ADGRL2: variants seen among roughly 807,000 people sequenced by gnomAD.
ADGRL2 encodes calcium-independent alpha-latrotoxin receptor 2.
In ADGRL2, 44 loss-of-function variants were observed where a neutral mutation model predicts 157.4. The observed-to-expected ratio is 0.28, with a 90% CI of 0.22 to 0.36. The LOEUF is 0.36. Ranked by LOEUF, ADGRL2 falls within the 10% of genes least tolerant of loss-of-function variation. The probability of loss-of-function intolerance (pLI) is 1.00; values close to 1 mark genes in which losing one functional copy is unlikely to be tolerated. For missense variants in ADGRL2, 1,510 were observed against 1,768.9 expected (o/e 0.85, Z 2.63); for synonymous variants, 585 against 624.7 (o/e 0.94, Z 0.95).
At chr1:81,324,899 T>A (rs1202018946) in intron 1 of ADGRL2, among the ~76,000 whole-genome samples, 4 of 152,060 alleles carry the variant, frequency 2.6e-5, no homozygotes, top group Non-Finnish European at 5.9e-5. Context: ...GTACTTTTAG[T>A]AGAGACGGGG....
intron 1 of ADGRL2, among the ~76,000 whole-genome samples, chr1:81,737,018 T>C (rs928484043): frequency 1.3e-5 from 2 of 151,704 alleles, no homozygotes; most frequent in African/African-American, 4.8e-5. Context: ...GTATTTTTAG[T>C]AGAGGTGGGG....
chr1:81,556,192 G>A (rs1285122598), intron 2 of ADGRL2, among the ~76,000 whole-genome samples: 1 of 151,950 alleles, frequency 6.6e-6, no homozygotes, highest in Non-Finnish European at 1.5e-5. Context: ...TTCTTCCTGA[G>A]GTAGTTTGAA....
chr1:81,415,494 TAA>T, intron 1 of ADGRL2, among the ~76,000 whole-genome samples: 1 of 152,216 alleles, frequency 6.6e-6, no homozygotes, highest in South Asian at 2.1e-4. Context: ...GAGGGGTCCC[TAA>T]AAAAAGATAC....
intron 1 of ADGRL2, among the ~76,000 whole-genome samples, chr1:81,708,891 T>C (rs1405633109): frequency 6.6e-6 from 1 of 152,096 alleles, no homozygotes; most frequent in African/African-American, 2.4e-5. Context: ...TTACCTTGCC[T>C]TGAAACACAT....
chr1:81,557,482 G>GAAGAAAGAAGAAAGA, intron 2 of ADGRL2: 2 of 120,064 alleles, frequency 1.7e-5, no homozygotes, highest in African/African-American at 6.2e-5. Context: ...AAGAAAGAAA[G>GAAGAAAGAAGAAAGA]AAGAAAGAAA....
intron 1 of ADGRL2, among the ~76,000 whole-genome samples, chr1:81,419,226 C>T (rs1041133166): frequency 1.2e-4 from 18 of 152,074 alleles, no homozygotes; most frequent in African/African-American, 3.9e-4. Flanking sequence ...TATTTAGAGA[C>T]GGAGTCTTGC....
chr1:81,519,328 G>A (rs1051675322), intron 2 of ADGRL2, among the ~76,000 whole-genome samples: 2 of 152,118 alleles, frequency 1.3e-5, no homozygotes, highest in Non-Finnish European at 2.9e-5. Context: ...GGTGTAAGAA[G>A]TATTTGACTT....
At chr1:81,828,645 T>C (rs2091696393) in intron 1 of ADGRL2, among the ~76,000 whole-genome samples, 2 of 152,180 alleles carry the variant, frequency 1.3e-5, no homozygotes, top group Admixed American at 1.3e-4. Flanking sequence ...TTATTACTAC[T>C]TTAATGTTAT....
intron 1 of ADGRL2, among the ~76,000 whole-genome samples, chr1:81,393,240 A>C (rs2076591229): frequency 6.6e-6 from 1 of 152,106 alleles, no homozygotes. Flanking sequence ...AATTCTCAGC[A>C]AGCGATATTT....
chr1:81,445,497 A>T (rs1369595515), intron 2 of ADGRL2, among the ~76,000 whole-genome samples: 2 of 152,202 alleles, frequency 1.3e-5, no homozygotes, highest in Admixed American at 1.3e-4. Context: ...CCTTTGTAGA[A>T]GTAGGATGAG....
intron 1 of ADGRL2, among the ~76,000 whole-genome samples, chr1:81,746,960 A>G (rs1222656642): frequency 2.0e-5 from 3 of 146,818 alleles, no homozygotes; most frequent in South Asian, 4.3e-4. Flanking sequence ...GTATATACGT[A>G]TATACACACG....
chr1:81,932,415 T>TATTAAC (rs1286695685), intron 3 of ADGRL2, among the ~76,000 whole-genome samples: 2 of 152,244 alleles, frequency 1.3e-5, no homozygotes, highest in Non-Finnish European at 2.9e-5. Context: ...CATATTAACA[T>TATTAAC]TGTAAACTGT....
intron 1 of ADGRL2, among the ~76,000 whole-genome samples, chr1:81,407,395 G>C (rs748999043): frequency 9.9e-5 from 15 of 152,214 alleles, no homozygotes; most frequent in Admixed American, 2.0e-4. Context: ...GGAACTCTGA[G>C]ACAGAGACCC....
At chr1:81,381,751 C>T (rs2076348963) in intron 1 of ADGRL2, among the ~76,000 whole-genome samples, 1 of 152,098 alleles carries the variant, frequency 6.6e-6, no homozygotes, top group African/African-American at 2.4e-5. Context: ...ATCATGTTTT[C>T]TCTCCTTAAA....
intron 2 of ADGRL2, among the ~76,000 whole-genome samples, chr1:81,854,852 A>G (rs992569620): frequency 6.6e-6 from 1 of 152,166 alleles, no homozygotes; most frequent in South Asian, 2.1e-4. Context: ...AAATAGGTCA[A>G]TGTGTGCCGA....
chr1:81,557,481 A>AGAAAGAAAGAAG (rs1557458912), intron 2 of ADGRL2: 14 of 53,154 alleles, frequency 2.6e-4, no homozygotes, highest in Admixed American at 4.5e-4. Context: ...AAAGAAAGAA[A>AGAAAGAAAGAAG]GAAGAAAGAA....
At chr1:81,583,666 TTG>T (rs2080964488) in intron 3 of ADGRL2, among the ~76,000 whole-genome samples, 1 of 152,130 alleles carries the variant, frequency 6.6e-6, no homozygotes, top group Non-Finnish European at 1.5e-5. Flanking sequence ...TTTACATATG[TTG>T]TGTCAGAATT....
chr1:81,639,780 T>G (rs2082183874), intron 3 of ADGRL2, among the ~76,000 whole-genome samples: 1 of 152,152 alleles, frequency 6.6e-6, no homozygotes, highest in Non-Finnish European at 1.5e-5. Flanking sequence ...ACTCTTTCAC[T>G]TCACAGCATA....
At chr1:81,844,777 G>C (rs2092722181) in intron 2 of ADGRL2, among the ~76,000 whole-genome samples, 1 of 152,102 alleles carries the variant, frequency 6.6e-6, no homozygotes, top group East Asian at 1.9e-4. Context: ...GCTGAGAAGG[G>C]AATACGTATC....
Sources: gnomAD v4.1 joint callset for allele counts (sites outside exome capture counted in the v4.1 genomes callset) on GRCh38, gnomAD v4.1.1 for gene constraint, MANE v1.5 for transcripts, NCBI Gene and HGNC (gene_info 2026-07-23, HGNC 2026-07-21) for gene names.